Variants in TBC1D31 observed in about 807,000 individuals in gnomAD.
The protein encoded by TBC1D31 is TBC1 domain family member 31, also known as WD repeat domain 67.
Under a neutral mutation model 132.9 loss-of-function variants are expected in TBC1D31, and 99 were observed. The observed-to-expected ratio is 0.74, with a 90% CI of 0.63 to 0.88. The LOEUF (loss-of-function observed/expected upper bound fraction) is 0.88, where lower values mean the gene tolerates loss of function less well. Among genes scored for constraint, TBC1D31 ranks in the 40% least tolerant of loss-of-function variants. The pLI, the probability that TBC1D31 is intolerant of heterozygous loss-of-function variation, is 0.00. For missense variants in TBC1D31, 1,134 were observed against 1,256.6 expected (o/e 0.90, Z 1.48); for synonymous variants, 385 against 419.4 (o/e 0.92, Z 1.00).
At chr8:123,079,510 A>G (rs571750269) in intron 2 of TBC1D31, among the ~76,000 whole-genome samples, 18 of 152,314 alleles carry the variant, frequency 1.2e-4, no homozygotes, top group Admixed American at 5.2e-4. Context: ...TGCTTAACTT[A>G]CCTCACCAAT....
chr8:123,159,418 A>G, the TBC1D31 span, among the ~76,000 whole-genome samples: 2 of 152,230 alleles, frequency 1.3e-5, no homozygotes, highest in Non-Finnish European at 2.9e-5. Context: ...AGCGAAGAAC[A>G]CAACTGCAGA....
chr8:123,096,908 A>G (rs1816891090), intron 5 of TBC1D31, among the ~76,000 whole-genome samples: 1 of 152,222 alleles, frequency 6.6e-6, no homozygotes, highest in African/African-American at 2.4e-5. Context: ...CGTGAAATAT[A>G]GAAAGTTGGA....
rs1821594703 is a variant in TBC1D31 at position 123,140,894 on chromosome 8, C to G, written c.2633C>G (p.Thr878Ser). 1 of 1,613,008 alleles carries G rather than the reference C, an allele frequency of 6.2e-7. No homozygotes were observed. The highest frequency in any genetic ancestry group is 1.3e-5 in the African/African-American group (1 of 74,854). Residue 878 changes from threonine (T) to serine (S), a missense_variant, in exon 18 of 22, where the codon ACT becomes AGT. Coordinates refer to ENST00000287380, the MANE Select transcript of TBC1D31 (RefSeq NM_145647.4). Reference sequence around the variant, plus strand: ...GCAGGTGAAACCCAGAGCCAGAAAACTCAGAAGGTAAAAATATGATCCATT... The same window carrying G: ...GCAGGTGAAACCCAGAGCCAGAAAAGTCAGAAGGTAAAAATATGATCCATT... ...IEAGETQSQK[T>S]QKVIKENLAK...
downstream of TBC1D31, among the ~76,000 whole-genome samples, chr8:123,156,590 T>C (rs1051668069): frequency 2.6e-5 from 4 of 152,148 alleles, no homozygotes; most frequent in East Asian, 1.9e-4. Context: ...TCTTTGAGAA[T>C]GGCTGAGTTA....
At chr8:123,149,215 G>T (rs998233938) in intron 20 of TBC1D31, among the ~76,000 whole-genome samples, 3 of 149,144 alleles carry the variant, frequency 2.0e-5, no homozygotes, top group African/African-American at 7.4e-5. Flanking sequence ...GTTTGAAGAT[G>T]ACTCTTAGAT....
At chr8:123,155,623 C>G (rs1175614873), downstream of TBC1D31, among the ~76,000 whole-genome samples, 2 of 152,136 alleles carry the variant, frequency 1.3e-5, no homozygotes, top group African/African-American at 2.4e-5. This position sits in a 1 kb window ranked among gnomAD's most constrained non-coding sequence, Gnocchi z 4.1. Flanking sequence ...TACCTGTCAC[C>G]CAGTTTCCAG....
intron 18 of TBC1D31, among the ~76,000 whole-genome samples, chr8:123,142,004 G>A (rs142313831): frequency 9.3e-4 from 141 of 151,988 alleles, no homozygotes; most frequent in African/African-American, 3.3e-3. Context: ...GTGACTACAG[G>A]CGCGCGCTGC....
At chr8:123,139,071 G>A (rs1461708967) in intron 17 of TBC1D31, among the ~76,000 whole-genome samples, 1 of 150,684 alleles carries the variant, frequency 6.6e-6, no homozygotes, top group East Asian at 1.9e-4. Flanking sequence ...GCCTCCCAAA[G>A]TGCTGGGATT....
intron 4 of TBC1D31, among the ~76,000 whole-genome samples, 198 bp from the exon 5 acceptor site, chr8:123,093,393 G>T (rs1004986983): frequency 6.7e-6 from 1 of 148,798 alleles, no homozygotes; most frequent in South Asian, 2.1e-4. Flanking sequence ...CCTAGTTTTC[G>T]TTTGAAGGGT....
At chr8:123,101,146 T>C (rs10808525) in intron 7 of TBC1D31, 139 bp downstream of exon 7, 174,691 of 646,950 alleles carry the variant, frequency 0.27, 24,458 homozygotes, top group Admixed American at 0.37. Context: ...TTGCTCTTAC[T>C]CCCAAAGCCA....
intron 11 of TBC1D31, chr8:123,123,639 A>C (rs1261869115): frequency 6.5e-6 from 1 of 152,882 alleles, no homozygotes; most frequent in African/African-American, 2.4e-5. Context: ...AGGCTGAAAA[A>C]AGCAAGAAAA....
In TBC1D31 at chr8:123,097,308, G is replaced by A. The variant is rs1816927401; in HGVS notation, c.698G>A (p.Gly233Asp). Residue 233 changes from glycine to aspartate, a missense_variant, in exon 6 of 22, where the codon GGC becomes GAC. Transcript: ENST00000287380. ...TRDGRILAAG[G>D]KSNHLHLWCL... ...GATGGCCGAATCCTGGCTGCTGGAG[G>A]CAAGTCAAATCATCTTCATTTGTGG... 1 of 1,614,036 alleles carries A rather than the reference G, an allele frequency of 6.2e-7. No homozygotes were observed. Among genetic ancestry groups the A allele is most frequent in the Non-Finnish European group, 8.5e-7 (1 of 1,179,990 alleles).
downstream of TBC1D31, among the ~76,000 whole-genome samples, chr8:123,156,440 CAAA>C (rs34267268): frequency 7.5e-4 from 76 of 100,950 alleles, no homozygotes; most frequent in African/African-American, 1.2e-3. Context: ...GACCCTGTCT[CAAA>C]AAAAAAAAAA....
At chr8:123,118,822 T>A (rs7834180) in intron 10 of TBC1D31, among the ~76,000 whole-genome samples, 1 of 152,042 alleles carries the variant, frequency 6.6e-6, no homozygotes, top group Admixed American at 6.5e-5. Context: ...AGCCACAAAC[T>A]CCTGGACCTA....
intron 16 of TBC1D31, among the ~76,000 whole-genome samples, 182 bp from the exon 17 acceptor site, chr8:123,133,932 G>A (rs1820846286): frequency 6.6e-6 from 1 of 152,118 alleles, no homozygotes; most frequent in East Asian, 1.9e-4. Context: ...AACTTTAACT[G>A]AGAGATTATT....
chr8:123,075,540 A>G (rs1012222248), intron 1 of TBC1D31, among the ~76,000 whole-genome samples: 4 of 152,188 alleles, frequency 2.6e-5, no homozygotes, highest in African/African-American at 7.2e-5. Flanking sequence ...TGTCTCTACT[A>G]AAAATACAAA....
chr8:123,107,131 A>G (rs1461500709), intron 8 of TBC1D31, among the ~76,000 whole-genome samples: 2 of 152,210 alleles, frequency 1.3e-5, no homozygotes, highest in Non-Finnish European at 2.9e-5. Flanking sequence ...ACATTGTACA[A>G]ACAGTTTAAG....
intron 17 of TBC1D31, 141 bp from the exon 18 acceptor site, chr8:123,140,620 G>A: frequency 1.5e-6 from 1 of 681,098 alleles, no homozygotes; most frequent in Non-Finnish European, 2.4e-6. Context: ...TTTTGCTGAT[G>A]TCTCCAGTCG....
At chr8:123,140,946 C>T (rs1266346589) in intron 18 of TBC1D31, 45 bp downstream of exon 18, 7 of 1,557,338 alleles carry the variant, frequency 4.5e-6, no homozygotes, top group Non-Finnish European at 6.1e-6. Context: ...GAGAAATTTT[C>T]ATCTGTCACC....
Sources: gnomAD v4.1 joint callset for allele counts (sites outside exome capture counted in the v4.1 genomes callset) on GRCh38, gnomAD v4.1.1 for gene constraint, Gnocchi (gnomAD v3.1) non-coding constraint, MANE v1.5 for transcripts, NCBI Gene and HGNC (gene_info 2026-07-23, HGNC 2026-07-21) for gene names.